Variants in ZNF804B observed in about 807,000 individuals in gnomAD.
The protein encoded by ZNF804B is zinc finger protein 804B, also known as zinc finger 804B.
A neutral mutation model predicts 101.4 loss-of-function variants in ZNF804B; 80 were observed. That is an observed-to-expected ratio of 0.79 (90% CI 0.66 to 0.95). The LOEUF is 0.95. Ranked by LOEUF, ZNF804B falls within the 40% of genes least tolerant of loss-of-function variation. ZNF804B has a pLI of 0.00. For missense variants in ZNF804B, 1,673 were observed against 1,561.9 expected (o/e 1.07, Z -1.20); for synonymous variants, 622 against 558.8 (o/e 1.11, Z -1.59).
chr7:88,995,287 G>T (rs974175871), intron 1 of ZNF804B, among the ~76,000 whole-genome samples: 3 of 151,938 alleles, frequency 2.0e-5, no homozygotes, highest in Non-Finnish European at 4.4e-5. Context: ...AACCAAAAAC[G>T]TGTAAGTAGC....
At chr7:89,131,265 G>A (rs1790543326) in intron 1 of ZNF804B, among the ~76,000 whole-genome samples, 1 of 152,004 alleles carries the variant, frequency 6.6e-6, no homozygotes, top group Admixed American at 6.6e-5. Flanking sequence ...AACACTATGG[G>A]AAGTCTCCCA....
intron 2 of ZNF804B, among the ~76,000 whole-genome samples, chr7:89,284,893 G>A (rs577641727): frequency 6.6e-6 from 1 of 152,092 alleles, no homozygotes; most frequent in Non-Finnish European, 1.5e-5. Flanking sequence ...TGAGTTCTGA[G>A]GGGCCATTAA....
chr7:88,826,904 G>A (rs1480652186), intron 1 of ZNF804B, among the ~76,000 whole-genome samples: 3 of 152,000 alleles, frequency 2.0e-5, no homozygotes, highest in African/African-American at 4.8e-5. Context: ...TAACAGAAAG[G>A]AATATTTTGG....
At position 89,234,795 on chromosome 7, in the gene ZNF804B, G is replaced by A. The variant is rs535496506; in HGVS notation, c.249+16500G>A. Among the ~76,000 whole-genome samples, 152 of 152,192 alleles carry A rather than the reference G, an allele frequency of 1.0e-3. 1 individual carries two copies. The highest frequency in any genetic ancestry group is 3.3e-3 in the African/African-American group (136 of 41,506). On this transcript the variant is annotated intron_variant, in intron 2 of 3. Transcript: ENST00000333190. ...AATTAGCAGCCTCCTGGGGTCTCTC[G>A]GGTGTTCAGCCTCAGACTGGGAGAT...
At chr7:88,901,597 A>G (rs1792392284) in intron 1 of ZNF804B, among the ~76,000 whole-genome samples, 1 of 151,690 alleles carries the variant, frequency 6.6e-6, no homozygotes, top group Admixed American at 6.6e-5. Context: ...ACTCATCTAG[A>G]TATTTATGTG....
chr7:88,842,119 A>G (rs1052307162), intron 1 of ZNF804B, among the ~76,000 whole-genome samples: 5 of 152,200 alleles, frequency 3.3e-5, no homozygotes, highest in Admixed American at 6.5e-5. Context: ...GTCTAAATCC[A>G]TCTCAGTTTT....
At chr7:89,257,660 A>G (rs1470702475) in intron 2 of ZNF804B, among the ~76,000 whole-genome samples, 6 of 152,166 alleles carry the variant, frequency 3.9e-5, no homozygotes, top group South Asian at 4.1e-4. Context: ...CAGGTTTGTT[A>G]TAGAAGTAAA....
intron 1 of ZNF804B, among the ~76,000 whole-genome samples, chr7:89,098,567 C>T (rs900704447): frequency 3.9e-5 from 6 of 151,984 alleles, no homozygotes; most frequent in South Asian, 2.1e-4. Flanking sequence ...CCATTGCGTC[C>T]GGCCCATAAC....
intron 1 of ZNF804B, among the ~76,000 whole-genome samples, chr7:88,895,144 T>C (rs1271395535): frequency 2.0e-5 from 3 of 152,204 alleles, no homozygotes; most frequent in African/African-American, 7.2e-5. Flanking sequence ...GAAGGGAGAT[T>C]GTCAAGAGTA....
intron 1 of ZNF804B, among the ~76,000 whole-genome samples, chr7:88,949,272 A>C (rs1793182836): frequency 6.6e-6 from 1 of 151,742 alleles, no homozygotes. Context: ...TTGCTATGGG[A>C]GGGCTGCCTG....
At chr7:89,041,988 G>A (rs572630975) in intron 1 of ZNF804B, among the ~76,000 whole-genome samples, 1 of 152,218 alleles carries the variant, frequency 6.6e-6, no homozygotes, top group African/African-American at 2.4e-5. Context: ...AGGATTCAAA[G>A]TCATTTTTAA....
At chr7:88,833,261 T>C (rs1026732741) in intron 1 of ZNF804B, among the ~76,000 whole-genome samples, 27 of 151,932 alleles carry the variant, frequency 1.8e-4, no homozygotes, top group African/African-American at 6.5e-4. Context: ...TTATCTCCCC[T>C]TTCTAACTTC....
chr7:88,995,045 T>C (rs1793901306), intron 1 of ZNF804B, among the ~76,000 whole-genome samples: 1 of 152,060 alleles, frequency 6.6e-6, no homozygotes, highest in Admixed American at 6.6e-5. Flanking sequence ...AAAAAATGAA[T>C]AAGGGATGAC....
chr7:88,929,309 T>C, intron 1 of ZNF804B, among the ~76,000 whole-genome samples: 1 of 151,338 alleles, frequency 6.6e-6, no homozygotes, highest in Non-Finnish European at 1.5e-5. Context: ...AAAATCTTAG[T>C]GAATCTTACT....
At chr7:88,898,449 C>T (rs937917376) in intron 1 of ZNF804B, among the ~76,000 whole-genome samples, 1 of 151,874 alleles carries the variant, frequency 6.6e-6, no homozygotes, top group African/African-American at 2.4e-5. Flanking sequence ...CTTCTGACCT[C>T]CTACTAGATA....
intron 2 of ZNF804B, among the ~76,000 whole-genome samples, chr7:89,269,249 T>G (rs1789845820): frequency 6.6e-6 from 1 of 152,112 alleles, no homozygotes; most frequent in Non-Finnish European, 1.5e-5. Context: ...GTGTGTGATG[T>G]TCCCCTTCCT....
intron 1 of ZNF804B, among the ~76,000 whole-genome samples, chr7:88,844,430 C>T (rs1439594154): frequency 6.6e-6 from 1 of 152,154 alleles, no homozygotes; most frequent in East Asian, 1.9e-4. Flanking sequence ...GAGAAAGTTC[C>T]ACCTATTTGT....
chr7:88,839,449 A>C (rs1297012873), intron 1 of ZNF804B, among the ~76,000 whole-genome samples: 1 of 151,968 alleles, frequency 6.6e-6, no homozygotes, highest in Admixed American at 6.6e-5. Flanking sequence ...CAGAAAGTAG[A>C]GTAATATGCT....
intron 1 of ZNF804B, among the ~76,000 whole-genome samples, chr7:89,038,389 T>C (rs1458712815): frequency 1.3e-5 from 2 of 152,206 alleles, no homozygotes; most frequent in Non-Finnish European, 2.9e-5. Flanking sequence ...CATTGTGGTT[T>C]TAATGCATAT....
Sources: gnomAD v4.1 joint callset for allele counts (sites outside exome capture counted in the v4.1 genomes callset) on GRCh38, gnomAD v4.1.1 for gene constraint, MANE v1.5 for transcripts, NCBI Gene and HGNC (gene_info 2026-07-23, HGNC 2026-07-21) for gene names.